The following NDUFAF2 variants were observed in gnomAD, a reference collection of about 807,000 sequenced individuals.
NDUFAF2 encodes NADH:ubiquinone oxidoreductase complex assembly factor 2, also known as NADH dehydrogenase [ubiquinone] 1 alpha subcomplex assembly factor 2.
A neutral mutation model predicts 22.8 loss-of-function variants in NDUFAF2; 13 were observed. That is an observed-to-expected ratio of 0.57 (90% confidence interval 0.37 to 0.91). NDUFAF2 has a LOEUF of 0.91. Among genes scored for constraint, NDUFAF2 ranks in the 40% least tolerant of loss-of-function variants. NDUFAF2 has a pLI of 0.01. For missense variants in NDUFAF2, 162 were observed against 195.2 expected (o/e 0.83, Z 1.01); for synonymous variants, 53 against 64.2 (o/e 0.83, Z 0.84).
In NDUFAF2 at chr5:60,945,226, G is replaced by A. The variant is rs756281859; in HGVS notation, c.-30G>A. ...CATTACCCCTACTGCGGGTCCCGCT[G>A]CTGGCAGCGCTGGAAACTGGGTGGA... On this transcript the variant is annotated 5_prime_UTR_variant, in exon 1 of 4. Coordinates refer to ENST00000296597, the MANE Select transcript of NDUFAF2 (RefSeq NM_174889.5). 5.6e-6 allele frequency: 9 copies of A among 1,609,848 alleles called. No homozygotes were observed. The highest frequency in any genetic ancestry group is 2.7e-5 in the African/African-American group (2 of 74,836).
Position 61,047,401 on chromosome 5 carries a change from A to G in NDUFAF2, c.128-25724A>G, listed in dbSNP as rs141164954. On this transcript the variant is annotated intron_variant, in intron 1 of 3. Transcript: ENST00000296597. ...TGGCTCCAATATCTGCACCTAACCA[A>G]TTGCCTTGCAGAGAAAAAAAAAAAG... Among the ~76,000 whole-genome samples, 352 of 152,084 alleles carry G rather than the reference A, an allele frequency of 2.3e-3. 1 individual carries two copies. Among genetic ancestry groups the G allele is most frequent in the African/African-American group, 8.0e-3 (330 of 41,476 alleles).
intron 1 of NDUFAF2, among the ~76,000 whole-genome samples, chr5:61,000,737 T>G (rs1320347247): frequency 6.6e-6 from 1 of 152,116 alleles, no homozygotes; most frequent in Non-Finnish European, 1.5e-5. Flanking sequence ...GCCACTTTTG[T>G]TAGTCTTATG....
intron 1 of NDUFAF2, among the ~76,000 whole-genome samples, chr5:61,032,689 G>A (rs1751743846): frequency 6.6e-6 from 1 of 152,222 alleles, no homozygotes; most frequent in Admixed American, 6.6e-5. Flanking sequence ...TTTTGCTTAG[G>A]ATTGTCTTGG....
intron 1 of NDUFAF2, among the ~76,000 whole-genome samples, chr5:60,975,087 G>A (rs1422185189): frequency 1.3e-5 from 2 of 152,138 alleles, no homozygotes; most frequent in African/African-American, 2.4e-5. Context: ...GGGATTATAG[G>A]TGTAAGTCAC....
intron 2 of NDUFAF2, among the ~76,000 whole-genome samples, chr5:61,098,103 A>G (rs1273495612): frequency 6.6e-6 from 1 of 152,210 alleles, no homozygotes; most frequent in Non-Finnish European, 1.5e-5. Context: ...TAATAATTAT[A>G]CTAATAACTT....
At chr5:60,948,881 G>C (rs1327669399) in intron 1 of NDUFAF2, among the ~76,000 whole-genome samples, 1 of 152,100 alleles carries the variant, frequency 6.6e-6, no homozygotes, top group African/African-American at 2.4e-5. Context: ...TGCCTAAGTG[G>C]TGGTACCGTT....
At chr5:61,151,456 T>A (rs1282977120) in intron 3 of NDUFAF2, among the ~76,000 whole-genome samples, 1 of 152,018 alleles carries the variant, frequency 6.6e-6, no homozygotes, top group Non-Finnish European at 1.5e-5. Flanking sequence ...CATTAAAAAA[T>A]TTCACACATT....
intron 1 of NDUFAF2, among the ~76,000 whole-genome samples, chr5:61,066,367 G>T (rs1192012378): frequency 6.6e-6 from 1 of 151,980 alleles, no homozygotes; most frequent in Non-Finnish European, 1.5e-5. Context: ...CCTAAAATTT[G>T]TATAGAACCA....
chr5:61,133,080 A>C (rs770490443), intron 3 of NDUFAF2, among the ~76,000 whole-genome samples: 2 of 152,106 alleles, frequency 1.3e-5, no homozygotes, highest in Non-Finnish European at 2.9e-5. Context: ...TTGAGAAACA[A>C]CACCAGTAGT....
At chr5:61,120,716 T>G (rs1752965131) in intron 3 of NDUFAF2, among the ~76,000 whole-genome samples, 1 of 122,752 alleles carries the variant, frequency 8.1e-6, no homozygotes, top group African/African-American at 3.2e-5. Context: ...CAGAATTAGT[T>G]CTGAAGAGTT....
chr5:61,076,862 A>C (rs1258987850), intron 2 of NDUFAF2, among the ~76,000 whole-genome samples: 1 of 152,200 alleles, frequency 6.6e-6, no homozygotes, highest in Non-Finnish European at 1.5e-5. Flanking sequence ...AAGAAGTTGC[A>C]TTCCGGATCT....
chr5:60,952,409 G>A (rs1305595866), intron 1 of NDUFAF2, among the ~76,000 whole-genome samples: 1 of 151,704 alleles, frequency 6.6e-6, no homozygotes, highest in Non-Finnish European at 1.5e-5. Flanking sequence ...TTCATGTAAC[G>A]AATATATTTT....
intron 1 of NDUFAF2, among the ~76,000 whole-genome samples, chr5:61,026,567 A>G (rs1032182160): frequency 3.9e-5 from 6 of 152,114 alleles, no homozygotes; most frequent in Non-Finnish European, 5.9e-5. Context: ...GCCTTTCAAG[A>G]TAGAAGATGA....
chr5:61,073,923 G>C (rs1561557478), intron 2 of NDUFAF2, among the ~76,000 whole-genome samples: 1 of 152,186 alleles, frequency 6.6e-6, no homozygotes, highest in Non-Finnish European at 1.5e-5. Flanking sequence ...CTGATTTACT[G>C]AGAAGAAAAC....
At chr5:61,084,140 C>T (rs76639369) in intron 2 of NDUFAF2, among the ~76,000 whole-genome samples, 3,797 of 151,642 alleles carry the variant, frequency 0.025, 173 homozygotes, top group Non-Finnish European at 0.039. Context: ...AAGCTGTCTT[C>T]TATTCCTCGG....
intron 1 of NDUFAF2, among the ~76,000 whole-genome samples, chr5:61,015,376 G>T (rs1358244215): frequency 6.6e-6 from 1 of 152,032 alleles, no homozygotes; most frequent in Non-Finnish European, 1.5e-5. Flanking sequence ...CTGCCTCCTG[G>T]GTTCAAGCAA....
chr5:61,111,604 G>GTTTTTTTTTTTT (rs1428985663), intron 3 of NDUFAF2, among the ~76,000 whole-genome samples: 1 of 150,968 alleles, frequency 6.6e-6, no homozygotes, highest in African/African-American at 2.4e-5. Flanking sequence ...ACACAGCTAG[G>GTTTTTTTTTTTT]TTTTTTTTGT....
intron 1 of NDUFAF2, among the ~76,000 whole-genome samples, chr5:61,052,173 G>T (rs1181429060): frequency 6.7e-6 from 1 of 148,328 alleles, no homozygotes; most frequent in African/African-American, 2.4e-5. Context: ...AAAGGAAACA[G>T]TTGGTCGCAC....
At chr5:61,076,706 G>A (rs1042513125) in intron 2 of NDUFAF2, among the ~76,000 whole-genome samples, 7 of 152,194 alleles carry the variant, frequency 4.6e-5, no homozygotes, top group Non-Finnish European at 1.0e-4. Context: ...TATGTTCTGA[G>A]GTATATTTAA....
Sources: allele counts gnomAD v4.1 joint callset (sites outside exome capture counted in the v4.1 genomes callset), GRCh38; gene constraint gnomAD v4.1.1; transcripts MANE v1.5; gene names NCBI Gene and HGNC (gene_info 2026-07-23, HGNC 2026-07-21).